The following SPATA31E1 variants were observed in gnomAD, a reference collection of about 807,000 sequenced individuals.
SPATA31E1 encodes the protein spermatogenesis-associated protein 31E1.
In SPATA31E1, 7 loss-of-function variants were observed where a neutral mutation model predicts 12.9. The observed-to-expected ratio is 0.54, with a 90% CI of 0.31 to 1.02. The LOEUF (loss-of-function observed/expected upper bound fraction) is 1.02. Among genes scored for constraint, SPATA31E1 ranks in the 50% least tolerant of loss-of-function variants. The pLI is 0.05. For synonymous variants in SPATA31E1, 771 were observed against 719.0 expected, an observed-to-expected ratio of 1.07 and a Z score of -1.16; for missense variants, 1,961 against 1,799.8, an observed-to-expected ratio of 1.09 and a Z score of -1.62.
Position 87,887,991 on chromosome 9 carries a change from T to C in SPATA31E1, c.3504T>C (p.Cys1168=). 6.2e-7 allele frequency: 1 copy of C among 1,613,630 alleles called. No homozygotes were observed. The highest frequency in any genetic ancestry group is 8.5e-7 in the Non-Finnish European group (1 of 1,179,968). Residue 1168 remains cysteine, a synonymous_variant, in exon 4 of 4, where the codon TGT becomes TGC. Transcript: ENST00000325643. The stretch of plus-strand genomic sequence containing the variant: ...ACATGACAGCTTCCCAGGGGCCATG[T>C]GCCCTCCTATGGAAGGGAGGGGACA... ...GKNMTASQGP[C]ALLWKGGDSP...
At position 87,887,862 on chromosome 9, in the gene SPATA31E1, C is replaced by CTT; in HGVS notation, c.3375_3376insTT (p.Thr1126LeufsTer37). The CTT allele has an allele frequency of 6.2e-7, 1 of 1,613,830 alleles. No individual in the cohort carries two copies. The highest frequency in any genetic ancestry group is 1.1e-5 in the South Asian group (1 of 91,084). On this transcript the variant is annotated frameshift_variant, in exon 4 of 4. Transcript: ENST00000325643. LOFTEE classifies it low-confidence loss of function (END_TRUNC). ...CGGGCATCCTCCTCCAGGACGGCGC[C>CTT]ACAGGCCTGTGCCTTCCAGGCCGCC...
chr9:87,884,851 C>G, intron 3 of SPATA31E1, 62 bp from the exon 4 acceptor site: 1 of 1,537,082 alleles, frequency 6.5e-7, no homozygotes, highest in Non-Finnish European at 8.8e-7. Flanking sequence ...AGGTGCCCAC[C>G]CGTCCCAGCT....
chr9:87,885,387 C>T lies in SPATA31E1; in HGVS notation c.900C>T (p.Ser300=), dbSNP rs145681665. 4.4e-5 allele frequency: 71 copies of T among 1,613,732 alleles called. No homozygotes were observed. The highest frequency in any genetic ancestry group is 5.5e-5 in the Non-Finnish European group (65 of 1,179,876). Residue 300 remains serine (S), a synonymous_variant, in exon 4 of 4, where the codon AGC becomes AGT. Coordinates refer to ENST00000325643, the MANE Select transcript of SPATA31E1 (RefSeq NM_178828.5). ...TGATCTCTGGCCTGGGGTGCTCCAGCGATCCCATCTGGGACCTCTATTGCT... is the reference window on the plus strand; with the variant it reads ...TGATCTCTGGCCTGGGGTGCTCCAGTGATCCCATCTGGGACCTCTATTGCT... ...TRVISGLGCS[S]DPIWDLYCWR...
Position 87,888,720 on chromosome 9 carries a change from C to A in SPATA31E1, c.4233C>A (p.Ser1411=), listed in dbSNP as rs747547971. ...CCCCACCTCCCAGGGAGCCTGTGTC[C>A]CCAGCTGGTCCCCACCACCACAGGC... ...SWAPPPREPV[S]PAGPHHHRPR... Residue 1411 remains serine, a synonymous_variant, in exon 4 of 4, where the codon TCC becomes TCA. Transcript: ENST00000325643. The A allele has an allele frequency of 5.6e-6, 9 of 1,613,862 alleles. No individual in the cohort carries two copies. Among genetic ancestry groups the A allele is most frequent in the Non-Finnish European group, 7.6e-6 (9 of 1,179,982 alleles).
rs558168951 is a variant in SPATA31E1 at position 87,882,897 on chromosome 9, A to C, written c.6A>C (p.Gly2=). 1 of 1,610,132 alleles carries C rather than the reference A, an allele frequency of 6.2e-7. No individual in the cohort carries two copies. The highest frequency in any genetic ancestry group is 1.1e-5 in the South Asian group (1 of 90,990). Residue 2 remains glycine, a synonymous_variant, in exon 1 of 4, where the codon GGA becomes GGC. Coordinates refer to ENST00000325643, the MANE Select transcript of SPATA31E1 (RefSeq NM_178828.5). M[G]NLVIPLGKGR... is the part of the protein sequence containing the mutation. ...AGCTCAGTTGCTTGAAGGCGATGGGAAATCTCGTCATCCCTCTAGGGAAGG... is the reference window on the plus strand; with the variant it reads ...AGCTCAGTTGCTTGAAGGCGATGGGCAATCTCGTCATCCCTCTAGGGAAGG...
Position 87,888,771 on chromosome 9 carries a change from C to A in SPATA31E1, c.4284C>A (p.Gly1428=). ...HRPRMASTSG[G]PHPQLQELMS... is the part of the protein sequence containing the mutation. ...CAAGAATGGCAAGCACCTCGGGCGG[C>A]CCCCATCCACAGCTGCAGGAACTGA... Residue 1428 remains glycine, a synonymous_variant, in exon 4 of 4, where the codon GGC becomes GGA. Coordinates refer to ENST00000325643, the MANE Select transcript of SPATA31E1 (RefSeq NM_178828.5). 1 of 1,612,770 alleles carries A rather than the reference C, an allele frequency of 6.2e-7. No individual in the cohort carries two copies. Among genetic ancestry groups the A allele is most frequent in the South Asian group, 1.1e-5 (1 of 91,050 alleles).
chr9:87,888,767 G>A lies in SPATA31E1; in HGVS notation c.4280G>A (p.Gly1427Asp). Reference protein sequence around the residue: ...HHRPRMASTSGGPHPQLQELM... With the variant: ...HHRPRMASTSDGPHPQLQELM... ...AGGCCAAGAATGGCAAGCACCTCGG[G>A]CGGCCCCCATCCACAGCTGCAGGAA... Residue 1427 changes from glycine (G) to aspartate (D), a missense_variant, in exon 4 of 4, where the codon GGC becomes GAC. Transcript: ENST00000325643. The A allele has an allele frequency of 6.2e-7, 1 of 1,613,100 alleles. No individual in the cohort carries two copies. Among genetic ancestry groups the A allele is most frequent in the Non-Finnish European group, 8.5e-7 (1 of 1,179,916 alleles).
Position 87,884,666 on chromosome 9 carries a change from C to T in SPATA31E1, c.425+15C>T. 2 of 1,614,118 alleles carry T rather than the reference C, an allele frequency of 1.2e-6. No homozygotes were observed. The highest frequency in any genetic ancestry group is 1.7e-6 in the Non-Finnish European group (2 of 1,179,950). On this transcript the variant is annotated intron_variant, in intron 3 of 3. Coordinates refer to ENST00000325643, the MANE Select transcript of SPATA31E1 (RefSeq NM_178828.5). ...CTTCTGGAAAGGTGAGGAGCTTCCC[C>T]CTTCTGTCCCTGTCCTCCTTCCTAC...
In SPATA31E1 at chr9:87,887,115, C is replaced by CA. The variant is rs759349457; in HGVS notation, c.2628_2629insA (p.Pro877ThrfsTer10). 10 of 1,614,112 alleles carry CA rather than the reference C, an allele frequency of 6.2e-6. No homozygotes were observed. The highest frequency in any genetic ancestry group is 8.5e-6 in the Non-Finnish European group (10 of 1,180,030). On this transcript the variant is annotated frameshift_variant, in exon 4 of 4. Coordinates refer to ENST00000325643, the MANE Select transcript of SPATA31E1 (RefSeq NM_178828.5). LOFTEE classifies it low-confidence loss of function (END_TRUNC). ...CGCCCTTCCCACAATCCACCTTTAC[C>CA]CCCTGGGCCTCCTGGGTATCTCGGG...
chr9:87,884,453 G>A, intron 2 of SPATA31E1, 138 bp from the exon 3 acceptor site: 2 of 854,878 alleles, frequency 2.3e-6, no homozygotes, highest in South Asian at 3.1e-5. Flanking sequence ...CACCATTGGG[G>A]CCATGTGGCC....
In SPATA31E1 at chr9:87,888,871, C is replaced by T. The variant is rs1828338888; in HGVS notation, c.*46C>T. ...TGTCTCCTGGGGGAGACAGGGGGTT[C>T]TACTCAAATAAAACTGATGCCTACA... On this transcript the variant is annotated 3_prime_UTR_variant, in exon 4 of 4. Transcript: ENST00000325643. The T allele has an allele frequency of 2.0e-6, 3 of 1,509,816 alleles. No individual in the cohort carries two copies. Among genetic ancestry groups the T allele is most frequent in the Non-Finnish European group, 2.6e-6 (3 of 1,133,286 alleles). The allele number at this position is 1,509,816 out of a possible 1,614,324, so 93.5% of individuals were successfully genotyped here. A position where few individuals can be genotyped will look rare whatever the true frequency, so the allele number is the denominator to read the frequency against.
At chr9:87,883,236 T>G in intron 1 of SPATA31E1, 36 bp downstream of exon 1, 1 of 1,536,722 alleles carries the variant, frequency 6.5e-7, no homozygotes, top group Non-Finnish European at 8.8e-7. Flanking sequence ...CAGAGAAAGA[T>G]TCTCTCTTCT....
In SPATA31E1 at chr9:87,887,817, G is replaced by A. The variant is rs1304959188; in HGVS notation, c.3330G>A (p.Glu1110=). 1.9e-6 allele frequency: 3 copies of A among 1,613,918 alleles called. No individual in the cohort carries two copies. In the South Asian group the frequency reaches 3.3e-5, roughly 18 times the overall value. The change falls in exon 4 of 4, where the codon GAG becomes GAA. Residue 1110 remains glutamate (E), a synonymous_variant. Coordinates refer to ENST00000325643, the MANE Select transcript of SPATA31E1 (RefSeq NM_178828.5). ...TCATAGTGCAGGTGGACTCAGAGGA[G>A]CAGCTGCCAGGCCGTGCCCCGGGCA... ...IALIVQVDSE[E]QLPGRAPGIL... is the part of the protein sequence containing the mutation.
At position 87,885,828 on chromosome 9, in the gene SPATA31E1, T is replaced by C. The variant is rs1364929586; in HGVS notation, c.1341T>C (p.Asn447=). ...TTTTCTGGGACCTCCCCTCTCTCAA[T>C]AGCGAGTCCCTGGCGACCACAGTCT... ...SQLFWDLPSL[N]SESLATTVWV... is the part of the protein sequence containing the mutation. Residue 447 remains asparagine (N), a synonymous_variant, in exon 4 of 4, where the codon AAT becomes AAC. Transcript: ENST00000325643. 1.2e-6 allele frequency: 2 copies of C among 1,613,864 alleles called. No homozygotes were observed. Among genetic ancestry groups the C allele is most frequent in the South Asian group, 1.1e-5 (1 of 91,082 alleles).
rs564957200 is a variant in SPATA31E1 at position 87,883,900 on chromosome 9, C to A, written c.310-92C>A. The A allele has an allele frequency of 3.4e-4, 474 of 1,395,834 alleles. 3 individuals carry two copies. The South Asian group carries it at 5.0e-3, about 15-fold the overall frequency. The allele number at this position is 1,395,834 out of a possible 1,614,324, so 86.5% of individuals were successfully genotyped here. A position where few individuals can be genotyped will look rare whatever the true frequency, so the allele number is the denominator to read the frequency against. On this transcript the variant is annotated intron_variant, in intron 1 of 3. Transcript: ENST00000325643. Reference sequence around the variant, plus strand: ...GCTCCCTGAGCTAGAGGCTGAGAGCCGTGTCCCTCATGAGCACTGCGTGTG... The same window carrying A: ...GCTCCCTGAGCTAGAGGCTGAGAGCAGTGTCCCTCATGAGCACTGCGTGTG...
At position 87,886,751 on chromosome 9, in the gene SPATA31E1, A is replaced by G. The variant is rs1359754026; in HGVS notation, c.2264A>G (p.Asp755Gly). Residue 755 changes from aspartate to glycine, a missense_variant, in exon 4 of 4, where the codon GAC (aspartate) becomes GGC (glycine). Asp to Gly is a moderately conservative substitution (Grantham distance 94, BLOSUM62 -1). Transcript: ENST00000325643. ...KYQSVSSTPR[D>G]PDKEHLENKL... is the part of the protein sequence containing the mutation. ...CAATCAGTAAGTTCCACACCCAGGG[A>G]CCCAGACAAGGAGCATCTGGAAAAC... 1 of 1,613,988 alleles carries G rather than the reference A, an allele frequency of 6.2e-7. No individual in the cohort carries two copies. The highest frequency in any genetic ancestry group is 1.6e-4 in the Middle Eastern group (1 of 6,062).
Position 87,887,516 on chromosome 9 carries a change from AC to A in SPATA31E1, c.3033del (p.Cys1012ValfsTer11), listed in dbSNP as rs1828304597. ...WLESESMSPG[D>X]PCSSRALQVL... ...GAGAGTGAGAGCATGTCCCCAGGAG[AC>A]CCCTGTAGTAGCAGAGCCCTGCAAG... On this transcript the variant is annotated frameshift_variant, in exon 4 of 4. Coordinates refer to ENST00000325643, the MANE Select transcript of SPATA31E1 (RefSeq NM_178828.5). LOFTEE classifies it low-confidence loss of function (END_TRUNC). The A allele has an allele frequency of 2.5e-6, 4 of 1,613,758 alleles. No individual in the cohort carries two copies. The highest frequency in any genetic ancestry group is 3.4e-6 in the Non-Finnish European group (4 of 1,180,004).
rs758549558 is a variant in SPATA31E1 at position 87,886,071 on chromosome 9, A to AC, written c.1589dup (p.Val531CysfsTer13). 9.4e-5 allele frequency: 151 copies of AC among 1,606,962 alleles called. No individual in the cohort carries two copies. The highest frequency in any genetic ancestry group is 1.3e-4 in the Non-Finnish European group (148 of 1,176,792). ...AGATCCAGACCCAGGCCCACCTCTC[A>AC]CCCCCTGTCCCAAGCCTGGGGTGCT... is the stretch of plus-strand genomic sequence containing the variant. On this transcript the variant is annotated frameshift_variant, in exon 4 of 4. Transcript: ENST00000325643. LOFTEE classifies it low-confidence loss of function (END_TRUNC).
chr9:87,885,215 C>G lies in SPATA31E1; in HGVS notation c.728C>G (p.Pro243Arg), dbSNP rs565925744. The G allele has an allele frequency of 6.2e-7, 1 of 1,614,124 alleles. No individual in the cohort carries two copies. The highest frequency in any genetic ancestry group is 1.3e-5 in the African/African-American group (1 of 75,040). The change falls in exon 4 of 4, where the codon CCT becomes CGT. Residue 243 changes from proline to arginine, a missense_variant. Coordinates refer to ENST00000325643, the MANE Select transcript of SPATA31E1 (RefSeq NM_178828.5). ...CPATQPHVVFPPSPQPHGPLA... is the reference protein window; with the variant it reads ...CPATQPHVVFRPSPQPHGPLA... ...GCAACCCAGCCACATGTGGTTTTTC[C>G]TCCTTCACCACAGCCGCATGGTCCC...
Sources: gnomAD v4.1 joint callset for allele counts on GRCh38, gnomAD v4.1.1 for gene constraint, MANE v1.5 for transcripts, NCBI Gene and HGNC (gene_info 2026-07-23, HGNC 2026-07-21) for gene names.